Variants in CFLAR observed in about 807,000 individuals in gnomAD.
The protein encoded by CFLAR is CASP8 and FADD-like apoptosis regulator.
In CFLAR, 14 loss-of-function variants were observed where a neutral mutation model predicts 51.1. The ratio of observed to expected loss-of-function variants is 0.27; its 90% CI spans 0.18 to 0.43. CFLAR has a LOEUF of 0.43. Ranked by LOEUF, CFLAR falls within the 20% of genes least tolerant of loss-of-function variation. The pLI, the probability that CFLAR is intolerant of heterozygous loss-of-function variation, is 1.00. For missense variants in CFLAR, 390 were observed against 566.5 expected (o/e 0.69, Z 3.16); for synonymous variants, 210 against 211.6 (o/e 0.99, Z 0.06).
Position 201,164,030 on chromosome 2 carries a change from C to G in CFLAR, c.*57C>G, listed in dbSNP as rs1943313827. 6.9e-7 allele frequency: 1 copy of G among 1,453,126 alleles called. No individual in the cohort carries two copies. Among genetic ancestry groups the G allele is most frequent in the Non-Finnish European group, 9.4e-7 (1 of 1,059,754 alleles). The allele number at this position is 1,453,126 out of a possible 1,614,324, so 90.0% of individuals were successfully genotyped here. A position where few individuals can be genotyped will look rare whatever the true frequency, so the allele number is the denominator to read the frequency against. ...CCTGTAATCCCAGCACTTTGGGAGG[C>G]CAAGGAGGGCAGATCACTTCAGGTC... On this transcript the variant is annotated 3_prime_UTR_variant, in exon 10 of 10. Coordinates refer to ENST00000309955, the MANE Select transcript of CFLAR (RefSeq NM_003879.7).
chr2:201,145,352 T>G (rs750797785), intron 5 of CFLAR, 26 bp from the exon 6 acceptor site: 6 of 1,452,280 alleles, frequency 4.1e-6, no homozygotes, highest in Non-Finnish European at 5.8e-6. Context: ...TAACAGGAAG[T>G]ATGACCTTAT....
At chr2:201,117,398 G>A (rs1266836833) in intron 1 of CFLAR, among the ~76,000 whole-genome samples, 1 of 152,144 alleles carries the variant, frequency 6.6e-6, no homozygotes, top group Non-Finnish European at 1.5e-5. Flanking sequence ...GCACGCAGTA[G>A]AACAAAGGCC....
At chr2:201,155,005 T>C (rs964135095) in intron 8 of CFLAR, among the ~76,000 whole-genome samples, 29 of 152,236 alleles carry the variant, frequency 1.9e-4, no homozygotes, top group African/African-American at 7.0e-4. Flanking sequence ...CTCAGGGATT[T>C]GGGAACTAAT....
chr2:201,149,656 G>A, intron 7 of CFLAR, 98 bp from the exon 8 acceptor site: 1 of 884,012 alleles, frequency 1.1e-6, no homozygotes, highest in Non-Finnish European at 1.8e-6. Flanking sequence ...TGACTCACCT[G>A]CCAAAGGAAA....
intron 8 of CFLAR, chr2:201,152,840 GGAA>G (rs1469899359): frequency 9.8e-5 from 15 of 152,560 alleles, no homozygotes; most frequent in African/African-American, 1.7e-4. Flanking sequence ...AGAGAAAGAT[GGAA>G]GAAGATGGTA....
chr2:201,137,722 T>G, intron 4 of CFLAR: 1 of 781,946 alleles, frequency 1.3e-6, no homozygotes, highest in African/African-American at 1.7e-5. Flanking sequence ...TTGTCCTGGA[T>G]GGAGCCCAAG....
At position 201,141,838 on chromosome 2, in the gene CFLAR, T is replaced by C. The variant is rs188535105; in HGVS notation, c.606+1399T>C. Reference sequence around the variant, plus strand: ...TTATCCTCATGTTCATATAAAGATATGTGGAGTTTGTAGTGAGGACTTAGA... The same window carrying C: ...TTATCCTCATGTTCATATAAAGATACGTGGAGTTTGTAGTGAGGACTTAGA... On this transcript the variant is annotated intron_variant, in intron 5 of 9. Transcript: ENST00000309955. 132 of 183,514 alleles carry C rather than the reference T, an allele frequency of 7.2e-4. 1 individual carries two copies. Among genetic ancestry groups the C allele is most frequent in the Non-Finnish European group, 2.7e-4 (26 of 96,110 alleles). The allele number at this position is 183,514 out of a possible 1,614,324, so 11.4% of individuals were successfully genotyped here.
chr2:201,131,384 C>T (rs2049303176), intron 2 of CFLAR, among the ~76,000 whole-genome samples: 1 of 152,116 alleles, frequency 6.6e-6, no homozygotes, highest in Admixed American at 6.6e-5. Context: ...TACAGGCACG[C>T]ACCACTATGT....
At chr2:201,139,629 C>T (rs946791818) in intron 4 of CFLAR, 1 of 153,086 alleles carries the variant, frequency 6.5e-6, no homozygotes, top group Non-Finnish European at 1.5e-5. Flanking sequence ...CTCTTTAAGT[C>T]ATTGAGATGT....
At chr2:201,137,647 C>A in intron 4 of CFLAR, 1 of 758,842 alleles carries the variant, frequency 1.3e-6, no homozygotes, top group Non-Finnish European at 2.4e-6. Context: ...CTGTGGGCCC[C>A]GATATCCTGG....
rs1337699250 is a variant in CFLAR at position 201,166,845 on chromosome 2, G to A, written c.*2872G>A. On this transcript the variant is annotated 3_prime_UTR_variant, in exon 10 of 10. Transcript: ENST00000309955. ...AGTCAGGCGTGGCGGCGCCCGCAAT[G>A]GCAGGCACGCGGCAGGCCGAGGCGG... 6.4e-6 allele frequency: 1 copy of A among 157,010 alleles called. No individual in the cohort carries two copies. The highest frequency in any genetic ancestry group is 1.4e-5 in the Non-Finnish European group (1 of 71,852). The allele number at this position is 157,010 out of a possible 1,614,324, so 9.7% of individuals were successfully genotyped here. A position where few individuals can be genotyped will look rare whatever the true frequency, so the allele number is the denominator to read the frequency against.
intron 4 of CFLAR, chr2:201,136,443 T>G (rs1418651561): frequency 6.3e-7 from 1 of 1,598,188 alleles, no homozygotes; most frequent in Non-Finnish European, 8.5e-7. Context: ...ACTGCCTTGC[T>G]CTGGTATTTG....
chr2:201,176,675 T>G lies in CFLAR; in HGVS notation c.*12702T>G, dbSNP rs1280230881. Reference sequence around the variant, plus strand: ...TTTTTTGAGCAGCATTAAAACTGTTTTACTCAGACCAAGTGCCGTGGCTCA... The same window carrying G: ...TTTTTTGAGCAGCATTAAAACTGTTGTACTCAGACCAAGTGCCGTGGCTCA... On this transcript the variant is annotated 3_prime_UTR_variant, in exon 10 of 10. Transcript: ENST00000309955. 1 of 152,100 alleles carries G rather than the reference T, an allele frequency of 6.6e-6. No individual in the cohort carries two copies. The highest frequency in any genetic ancestry group is 1.5e-5 in the Non-Finnish European group (1 of 68,014). 9.4% of individuals were successfully genotyped at this position (152,100 alleles called of 1,614,324 possible). A position where few individuals can be genotyped will look rare whatever the true frequency, so the allele number is the denominator to read the frequency against.
At chr2:201,162,066 T>C (rs1284662488) in intron 9 of CFLAR, among the ~76,000 whole-genome samples, 7 of 152,016 alleles carry the variant, frequency 4.6e-5, no homozygotes, top group African/African-American at 1.7e-4. Flanking sequence ...GATCTTTTTT[T>C]ATTTGATACC....
At chr2:201,136,640 C>T (rs2050169699) in intron 4 of CFLAR, 14 of 1,380,220 alleles carry the variant, frequency 1.0e-5, no homozygotes, top group East Asian at 2.6e-5. Flanking sequence ...TAGACTCAGC[C>T]TCAGCTTGGG....
intron 5 of CFLAR, among the ~76,000 whole-genome samples, chr2:201,143,640 T>C (rs1480207277): frequency 6.6e-6 from 1 of 152,096 alleles, no homozygotes; most frequent in Non-Finnish European, 1.5e-5. Context: ...TATGATTAAA[T>C]GCCACAGGAT....
At chr2:201,129,162 G>A (rs1283737753) in intron 1 of CFLAR, among the ~76,000 whole-genome samples, 1 of 152,144 alleles carries the variant, frequency 6.6e-6, no homozygotes, top group Non-Finnish European at 1.5e-5. Flanking sequence ...TGGCAGCAGA[G>A]GTTTCTGCCC....
chr2:201,129,527 T>G (rs1376620019), intron 1 of CFLAR: 1 of 403,234 alleles, frequency 2.5e-6, no homozygotes, highest in African/African-American at 2.0e-5. Context: ...CAATGTAGGT[T>G]TTCTTCTCTG....
chr2:201,162,934 C>A, intron 9 of CFLAR: 1 of 684,516 alleles, frequency 1.5e-6, no homozygotes. Flanking sequence ...TGCTTTCATA[C>A]GAAGTAAGTA....
Sources: allele counts gnomAD v4.1 joint callset (sites outside exome capture counted in the v4.1 genomes callset), GRCh38; gene constraint gnomAD v4.1.1; transcripts MANE v1.5; gene names NCBI Gene and HGNC (gene_info 2026-07-23, HGNC 2026-07-21).